The following IGFN1 variants were observed in gnomAD, a reference collection of about 807,000 sequenced individuals.
The protein encoded by IGFN1 is immunoglobulin like and fibronectin type III domain containing 1, also known as immunoglobulin-like and fibronectin type III domain-containing protein 1.
A neutral mutation model predicts 289.5 loss-of-function variants in IGFN1; 253 were observed. The ratio of observed to expected loss-of-function variants is 0.87; its 90% CI spans 0.79 to 0.97. The LOEUF is 0.97. Among genes scored for constraint, IGFN1 ranks in the 50% least tolerant of loss-of-function variants. The probability of loss-of-function intolerance (pLI) is 0.00; values close to 1 mark genes in which losing one functional copy is unlikely to be tolerated. For synonymous variants in IGFN1, 1,706 were observed against 1,788.5 expected (o/e 0.95, Z 1.16); for missense variants, 4,470 against 4,686.1 (o/e 0.95, Z 1.35).
chr1:201,215,197 A>C, intron 14 of IGFN1, 43 bp downstream of exon 14: 1 of 1,584,532 alleles, frequency 6.3e-7, no homozygotes. Flanking sequence ...CCTGTCCCAC[A>C]GTCTCTTTGT....
At chr1:201,195,002 C>T (rs111993787) in intron 3 of IGFN1, among the ~76,000 whole-genome samples, 9 of 152,236 alleles carry the variant, frequency 5.9e-5, no homozygotes, top group African/African-American at 2.2e-4. Context: ...CCCAGGCCTC[C>T]ATGACAGGCA....
At position 201,194,192 on chromosome 1, in the gene IGFN1, T is replaced by C; in HGVS notation, c.46T>C (p.Trp16Arg). 6.4e-7 allele frequency: 1 copy of C among 1,551,616 alleles called. No individual in the cohort carries two copies. The highest frequency in any genetic ancestry group is 2.4e-5 in the East Asian group (1 of 40,906). ...GTCCCACATCCCTGGAGTGAGCATC[T>C]GGCAGCTGGTGGAGGAGATCCCTGA... ...RKSHIPGVSI[W>R]QLVEEIPEGC... is the part of the protein sequence containing the mutation. The change falls in exon 3 of 24, where the codon TGG becomes CGG. Residue 16 changes from tryptophan to arginine, a missense_variant. Around this residue, in one of 8 missense-constraint regions of IGFN1, gnomAD observed 2,011 missense variants for 1,953.4 expected, o/e 1.03. Coordinates refer to ENST00000335211, the MANE Select transcript of IGFN1 (RefSeq NM_001164586.2).
chr1:201,203,704 T>C (rs1572173068), intron 9 of IGFN1, 34 bp from the exon 10 acceptor site: 1 of 1,547,852 alleles, frequency 6.5e-7, no homozygotes, highest in Non-Finnish European at 8.7e-7. Flanking sequence ...GAGGACCCAC[T>C]GAGGCCCGCC....
chr1:201,202,540 C>T (rs891441162), intron 9 of IGFN1, among the ~76,000 whole-genome samples: 5 of 152,030 alleles, frequency 3.3e-5, no homozygotes, highest in Non-Finnish European at 4.4e-5. Context: ...TGCTCATCCC[C>T]GATATCGACA....
chr1:201,221,686 GA>G lies in IGFN1; in HGVS notation c.10143del (p.Gly3382GlufsTer12). On this transcript the variant is annotated frameshift_variant, in exon 19 of 24. Transcript: ENST00000335211. LOFTEE classifies it high-confidence loss of function. ...CTTCGTGCGGGTGACAGCAGTTAAT[GA>G]AGGAGGCCAGAGCCAGCCCAGTGCC... ...GYFVRVTAVN[E>X]GGQSQPSALD... 1 of 1,613,786 alleles carries G rather than the reference GA, an allele frequency of 6.2e-7. No homozygotes were observed. Among genetic ancestry groups the G allele is most frequent in the Non-Finnish European group, 8.5e-7 (1 of 1,179,802 alleles).
At position 201,209,698 on chromosome 1, in the gene IGFN1, A is replaced by T. The variant is rs1444124884; in HGVS notation, c.4805A>T (p.Tyr1602Phe). ...GEMGSVNEAG[Y>F]RKDLGVPEGI... The stretch of plus-strand genomic sequence containing the variant: ...ATGGGGTCAGTGAATGAAGCAGGTT[A>T]TAGGAAGGACTTGGGGGTTCCTGAG... The change falls in exon 12 of 24, where the codon TAT becomes TTT. Residue 1602 changes from tyrosine to phenylalanine, a missense_variant. This residue lies in a region of IGFN1 where 31 missense variants were observed against 121.0 expected (regional missense o/e 0.26). Coordinates refer to ENST00000335211, the MANE Select transcript of IGFN1 (RefSeq NM_001164586.2). 1 of 1,522,990 alleles carries T rather than the reference A, an allele frequency of 6.6e-7. No individual in the cohort carries two copies. The allele number at this position is 1,522,990 out of a possible 1,614,324, so 94.3% of individuals were successfully genotyped here.
chr1:201,206,108 C>T lies in IGFN1; in HGVS notation c.1215C>T (p.Ser405=), dbSNP rs1667404593. 5.8e-6 allele frequency: 9 copies of T among 1,550,520 alleles called. No homozygotes were observed. The highest frequency in any genetic ancestry group is 1.4e-5 in the African/African-American group (1 of 73,056). ...VEAGKDKDLQ[S]TSADHKLQRQ... is the part of the protein sequence containing the mutation. ...CTGGGAAGGATAAAGACCTTCAGTC[C>T]ACAAGTGCTGACCACAAACTGCAGA... The change falls in exon 12 of 24, where the codon TCC becomes TCT. Residue 405 remains serine, a synonymous_variant. Coordinates refer to ENST00000335211, the MANE Select transcript of IGFN1 (RefSeq NM_001164586.2).
At position 201,212,989 on chromosome 1, in the gene IGFN1, C is replaced by T. The variant is rs767436817; in HGVS notation, c.8096C>T (p.Pro2699Leu). ...TCCCTGGATAGCAAAGGTTCAAGTC[C>T]TGGAAGGGGCAGTTCTGTTGATGCA... ...PWSLDSKGSSPGRGSSVDAED... is the reference protein window; with the variant it reads ...PWSLDSKGSSLGRGSSVDAED... The change falls in exon 12 of 24, where the codon CCT becomes CTT. Residue 2699 changes from proline (P) to leucine (L), a missense_variant. Pro to Leu is a moderately conservative substitution (Grantham distance 98). Coordinates refer to ENST00000335211, the MANE Select transcript of IGFN1 (RefSeq NM_001164586.2). 137 of 1,551,432 alleles carry T rather than the reference C, an allele frequency of 8.8e-5. No individual in the cohort carries two copies. Among genetic ancestry groups the T allele is most frequent in the Non-Finnish European group, 1.1e-4 (130 of 1,146,978 alleles).
At position 201,217,441 on chromosome 1, in the gene IGFN1, G is replaced by A. The variant is rs148232154; in HGVS notation, c.9750G>A (p.Val3250=). 2,034 of 1,614,192 alleles carry A rather than the reference G, an allele frequency of 1.3e-3. 6 individuals are homozygous for A. The highest frequency in any genetic ancestry group is 3.4e-3 in the South Asian group (313 of 91,078). The part of the protein sequence containing the change: ...RKKGSNTWTA[V]NDQPVPERRW... Reference sequence around the variant, plus strand: ...AGGGGAGCAACACCTGGACGGCAGTGAACGACCAGCCGGTGCCTGGTGAGC... The same window carrying A: ...AGGGGAGCAACACCTGGACGGCAGTAAACGACCAGCCGGTGCCTGGTGAGC... Residue 3250 remains valine, a synonymous_variant, in exon 17 of 24, where the codon GTG becomes GTA. Transcript: ENST00000335211.
rs1667457047 is a variant in IGFN1, at chr1:201,206,975, C to A, written c.2082C>A (p.Ser694=). The A allele has an allele frequency of 6.5e-7, 1 of 1,535,968 alleles. No individual in the cohort carries two copies. Among genetic ancestry groups the A allele is most frequent in the South Asian group, 1.2e-5 (1 of 83,938 alleles). ...CCAAGGTGGGCATGGCCCCTGAATC[C>A]TGGGGTTCTCAGGGAGGTAGAGATG... ...SGSKVGMAPE[S]WGSQGGRDAD... is the part of the protein sequence containing the mutation. The change falls in exon 12 of 24, where the codon TCC becomes TCA. Residue 694 remains serine, a synonymous_variant. Coordinates refer to ENST00000335211, the MANE Select transcript of IGFN1 (RefSeq NM_001164586.2).
At position 201,215,669 on chromosome 1, in the gene IGFN1, C is replaced by T. The variant is rs372065536; in HGVS notation, c.9126C>T (p.Asp3042=). ...HLPIQAAWRK[D]GAEVVGSSDR... The stretch of plus-strand genomic sequence containing the variant: ...CCATTCAGGCTGCCTGGAGGAAGGA[C>T]GGGGCTGAGGTGGTGGGCAGCAGTG... The change falls in exon 15 of 24, where the codon GAC becomes GAT. Residue 3042 remains aspartate, a synonymous_variant. Coordinates refer to ENST00000335211, the MANE Select transcript of IGFN1 (RefSeq NM_001164586.2). 1,252 of 1,613,946 alleles carry T rather than the reference C, an allele frequency of 7.8e-4. 2 individuals are homozygous for T. Among genetic ancestry groups the T allele is most frequent in the South Asian group, 2.6e-3 (236 of 91,044 alleles).
At position 201,222,824 on chromosome 1, in the gene IGFN1, T is replaced by C. The variant is rs146807711; in HGVS notation, c.10287T>C (p.Phe3429=). 1.4e-5 allele frequency: 22 copies of C among 1,610,816 alleles called. No homozygotes were observed. The African/African-American group carries it at 2.0e-4, about 15-fold the overall frequency. ...VGDTVRVPVS[F]EAMPMPEVTW... is the part of the protein sequence containing the mutation. Reference sequence around the variant, plus strand: ...ACACAGTTCGTGTGCCCGTCTCCTTTGAAGTGAGTGTACCTGCAGGGGTGT... The same window carrying C: ...ACACAGTTCGTGTGCCCGTCTCCTTCGAAGTGAGTGTACCTGCAGGGGTGT... The change falls in exon 20 of 24, where the codon TTT becomes TTC. Residue 3429 remains phenylalanine, a synonymous_variant. Coordinates refer to ENST00000335211, the MANE Select transcript of IGFN1 (RefSeq NM_001164586.2).
intron 23 of IGFN1, among the ~76,000 whole-genome samples, chr1:201,227,699 G>C (rs189493095): frequency 2.7e-4 from 41 of 152,220 alleles, no homozygotes; most frequent in Non-Finnish European, 4.7e-4. Flanking sequence ...CAAAGAGCTA[G>C]GATTACAGGT....
chr1:201,204,361 C>G (rs1013537527), intron 10 of IGFN1, among the ~76,000 whole-genome samples: 1 of 152,202 alleles, frequency 6.6e-6, no homozygotes, highest in Non-Finnish European at 1.5e-5. Flanking sequence ...TAGGAACTGA[C>G]ACTCCTCCTT....
chr1:201,201,643 G>C, intron 8 of IGFN1, 76 bp from the exon 9 acceptor site: 1 of 762,698 alleles, frequency 1.3e-6, no homozygotes, highest in East Asian at 2.7e-5. Flanking sequence ...GATGGTACCA[G>C]AGCCTATGAG....
chr1:201,208,874 T>A lies in IGFN1; in HGVS notation c.3981T>A (p.Asp1327Glu), dbSNP rs1279457613. ...TGGATGAAGCAGGTTATAGGAAAGA[T>A]TTAGGGGCTCCTGAGGGAATAAGTT... ...GSMDEAGYRKDLGAPEGISSG... is the reference protein window; with the variant it reads ...GSMDEAGYRKELGAPEGISSG... The change falls in exon 12 of 24, where the codon GAT (aspartate) becomes GAA (glutamate). Residue 1327 changes from aspartate to glutamate, a missense_variant. Transcript: ENST00000335211. 3 of 1,536,012 alleles carry A rather than the reference T, an allele frequency of 2.0e-6. No homozygotes were observed. Among genetic ancestry groups the A allele is most frequent in the Admixed American group, 3.9e-5 (2 of 50,882 alleles).
chr1:201,218,435 C>T, intron 17 of IGFN1, 95 bp from the exon 18 acceptor site: 1 of 1,264,030 alleles, frequency 7.9e-7, no homozygotes, highest in Non-Finnish European at 1.1e-6. Flanking sequence ...GTTAGGACCC[C>T]AGGCTTGGTC....
Position 201,215,636 on chromosome 1 carries a change from C to T in IGFN1, c.9093C>T (p.Ser3031=), listed in dbSNP as rs771230474. The change falls in exon 15 of 24, where the codon AGC becomes AGT. Residue 3031 remains serine, a synonymous_variant. Transcript: ENST00000335211. ...TGATAGTGAAGATCCCCTTCCAGAG[C>T]CACCTCCCCATTCAGGCTGCCTGGA... The part of the protein sequence containing the change: ...KPVIVKIPFQ[S]HLPIQAAWRK... 3.7e-6 allele frequency: 6 copies of T among 1,613,986 alleles called. No homozygotes were observed. The South Asian group carries it at 6.6e-5, about 18-fold the overall frequency.
Position 201,227,038 on chromosome 1 carries a change from TC to T in IGFN1, c.10944del (p.Phe3648LeufsTer57), listed in dbSNP as rs1014443698. ...TCGCCCCGGCCCCACGTCACCTGGT[TC>T]AAGAATGACCGCAGCCTGGAAGGAA... Reference protein sequence around the residue: ...QGSPRPHVTWFKNDRSLEGNP... With the variant: ...QGSPRPHVTWXKNDRSLEGNP... On this transcript the variant is annotated frameshift_variant, in exon 23 of 24. Coordinates refer to ENST00000335211, the MANE Select transcript of IGFN1 (RefSeq NM_001164586.2). LOFTEE classifies it high-confidence loss of function. 1.2e-6 allele frequency: 2 copies of T among 1,613,572 alleles called. No homozygotes were observed. Among genetic ancestry groups the T allele is most frequent in the Admixed American group, 1.7e-5 (1 of 60,028 alleles).
Sources: allele counts gnomAD v4.1 joint callset (sites outside exome capture counted in the v4.1 genomes callset), GRCh38; gene constraint gnomAD v4.1.1; regional missense constraint gnomAD v4.1.1; transcripts MANE v1.5; gene names NCBI Gene and HGNC (gene_info 2026-07-23, HGNC 2026-07-21).